Variants in ELL2 observed in about 807,000 individuals in gnomAD.
ELL2 encodes RNA polymerase II elongation factor ELL2.
Under a neutral mutation model 72.8 loss-of-function variants are expected in ELL2, and 21 were observed. The observed-to-expected ratio is 0.29, with a 90% CI of 0.20 to 0.42. The LOEUF is 0.42. ELL2 is among the 10% of genes least tolerant of loss of function. The pLI, the probability that ELL2 is intolerant of heterozygous loss-of-function variation, is 1.00. For missense variants in ELL2, 568 were observed against 772.8 expected (o/e 0.73, Z 3.14); for synonymous variants, 266 against 283.2 (o/e 0.94, Z 0.61).
intron 10 of ELL2, 85 bp from the exon 11 acceptor site, chr5:95,889,215 G>A (rs1472419051): frequency 4.7e-6 from 5 of 1,063,916 alleles, no homozygotes; most frequent in African/African-American, 1.6e-5. Flanking sequence ...TTCAGCAAGA[G>A]TATAGGAAAT....
At chr5:95,895,439 CA>C (rs1748829887) in intron 9 of ELL2, among the ~76,000 whole-genome samples, 188 bp downstream of exon 9, 1 of 152,208 alleles carries the variant, frequency 6.6e-6, no homozygotes. Context: ...GGGGGAGGCA[CA>C]ACCTGCTCAT....
intron 1 of ELL2, among the ~76,000 whole-genome samples, chr5:95,949,552 T>C (rs1257237905): frequency 2.0e-5 from 3 of 151,968 alleles, no homozygotes; most frequent in East Asian, 1.9e-4. Flanking sequence ...TCATGGAACT[T>C]TGAGTTAACT....
intron 2 of ELL2, among the ~76,000 whole-genome samples, chr5:95,921,103 C>A (rs947817505): frequency 6.6e-6 from 1 of 152,090 alleles, no homozygotes; most frequent in Non-Finnish European, 1.5e-5. Context: ...CCAATTCCTG[C>A]CTTCCCTTCC....
intron 1 of ELL2, among the ~76,000 whole-genome samples, chr5:95,944,293 G>A (rs1314556672): frequency 6.6e-6 from 1 of 152,128 alleles, no homozygotes; most frequent in East Asian, 1.9e-4. Context: ...TGATAAAAAT[G>A]AATAAACAAA....
intron 1 of ELL2, among the ~76,000 whole-genome samples, chr5:95,947,341 G>C (rs550767077): frequency 1.3e-4 from 20 of 152,282 alleles, no homozygotes; most frequent in African/African-American, 4.6e-4. Flanking sequence ...CAACAATTTA[G>C]AAACTTGAAA....
At chr5:95,927,608 C>CAT (rs1367495527) in intron 2 of ELL2, among the ~76,000 whole-genome samples, 6 of 35,394 alleles carry the variant, frequency 1.7e-4, no homozygotes, top group Non-Finnish European at 2.3e-4. Context: ...CATACACACA[C>CAT]ACGTGTGTAT....
At chr5:95,891,318 A>G (rs776277567) in intron 9 of ELL2, 44 bp from the exon 10 acceptor site, 8 of 1,554,782 alleles carry the variant, frequency 5.1e-6, no homozygotes, top group Non-Finnish European at 6.9e-6. Context: ...CCCAATAAAC[A>G]TGATTGCACA....
At chr5:95,916,831 G>A (rs1749827419) in intron 3 of ELL2, among the ~76,000 whole-genome samples, 1 of 151,790 alleles carries the variant, frequency 6.6e-6, no homozygotes, top group African/African-American at 2.4e-5. Context: ...GGGGGAGAGT[G>A]GGAGAAAATG....
chr5:95,920,412 GC>G (rs1484871045), intron 2 of ELL2, among the ~76,000 whole-genome samples: 1 of 151,774 alleles, frequency 6.6e-6, no homozygotes, highest in East Asian at 1.9e-4. Context: ...CCCGGTTCAA[GC>G]AATTCTCTGC....
At chr5:95,920,210 G>A (rs1749996159) in intron 2 of ELL2, among the ~76,000 whole-genome samples, 1 of 151,848 alleles carries the variant, frequency 6.6e-6, no homozygotes, top group African/African-American at 2.4e-5. Flanking sequence ...TAAGCCCCAG[G>A]AAACACTGTG....
intron 1 of ELL2, among the ~76,000 whole-genome samples, chr5:95,949,550 C>CT (rs546214657): frequency 2.0e-5 from 3 of 152,020 alleles, no homozygotes; most frequent in Non-Finnish European, 4.4e-5. Flanking sequence ...CATCATGGAA[C>CT]TTTGAGTTAA....
chr5:95,951,719 C>T (rs1478228185), intron 1 of ELL2, among the ~76,000 whole-genome samples: 2 of 152,036 alleles, frequency 1.3e-5, no homozygotes, highest in African/African-American at 4.8e-5. Flanking sequence ...CTGAAAAGAT[C>T]ACTCTAGCTG....
intron 1 of ELL2, among the ~76,000 whole-genome samples, chr5:95,948,409 A>C (rs984494983): frequency 2.1e-5 from 3 of 139,892 alleles, no homozygotes; most frequent in Non-Finnish European, 4.5e-5. Context: ...CAGCCTGGGC[A>C]ACAGAGCGAG....
intron 2 of ELL2, among the ~76,000 whole-genome samples, chr5:95,928,854 C>T (rs1750489587): frequency 6.6e-6 from 1 of 152,166 alleles, no homozygotes; most frequent in Non-Finnish European, 1.5e-5. Context: ...CTTCCTACTA[C>T]TTATGAGTAG....
In ELL2 at chr5:95,889,726, C is replaced by A. The variant is rs73773855; in HGVS notation, c.1762-596G>T. Among the ~76,000 whole-genome samples the A allele has an allele frequency of 2.4e-3, 367 of 152,164 alleles. 4 individuals are homozygous for A. Among genetic ancestry groups the A allele is most frequent in the Non-Finnish European group, 3.0e-3 (207 of 67,994 alleles). On this transcript the variant is annotated intron_variant, in intron 10 of 11. Coordinates refer to ENST00000237853, the MANE Select transcript of ELL2 (RefSeq NM_012081.6). ...ATGGTGTAGCTTACAAATGAAGAAACCTTAGATTCAATTAAATACGGTATA... is the reference window on the plus strand; with the variant it reads ...ATGGTGTAGCTTACAAATGAAGAAAACTTAGATTCAATTAAATACGGTATA...
intron 1 of ELL2, among the ~76,000 whole-genome samples, chr5:95,958,879 G>A (rs1751713152): frequency 6.6e-6 from 1 of 151,662 alleles, no homozygotes; most frequent in African/African-American, 2.4e-5. Flanking sequence ...AGACATTGAC[G>A]ACTTTGGTAC....
At chr5:95,891,000 G>C (rs767284551) in intron 10 of ELL2, 103 bp downstream of exon 10, 1 of 1,366,716 alleles carries the variant, frequency 7.3e-7, no homozygotes, top group South Asian at 1.2e-5. Flanking sequence ...GTCTGCAAGA[G>C]TACTTACTCT....
intron 9 of ELL2, among the ~76,000 whole-genome samples, chr5:95,892,441 C>T (rs1748703210): frequency 6.6e-6 from 1 of 152,240 alleles, no homozygotes; most frequent in Admixed American, 6.5e-5. Flanking sequence ...GCCACTGCGC[C>T]TGGCCTATTA....
intron 5 of ELL2, among the ~76,000 whole-genome samples, chr5:95,901,963 T>A (rs1208074897): frequency 6.6e-6 from 1 of 152,220 alleles, no homozygotes; most frequent in Non-Finnish European, 1.5e-5. Context: ...AATGTTTACT[T>A]CTGAAATTTT....
Sources: gnomAD v4.1 joint callset for allele counts (sites outside exome capture counted in the v4.1 genomes callset) on GRCh38, gnomAD v4.1.1 for gene constraint, MANE v1.5 for transcripts, NCBI Gene and HGNC (gene_info 2026-07-23, HGNC 2026-07-21) for gene names.